The following ZNF385D variants were observed in gnomAD, a reference collection of about 807,000 sequenced individuals.
ZNF385D encodes zinc finger protein 385D, also known as zinc finger protein 659.
A neutral mutation model predicts 35.8 loss-of-function variants in ZNF385D; 15 were observed. That is an observed-to-expected ratio of 0.42 (90% confidence interval 0.28 to 0.64). The LOEUF (loss-of-function observed/expected upper bound fraction) is 0.64, where lower values mean the gene tolerates loss of function less well. Ranked by LOEUF, ZNF385D falls within the 30% of genes least tolerant of loss-of-function variation. The pLI is 0.23. For synonymous variants in ZNF385D, 212 were observed against 186.8 expected, an observed-to-expected ratio of 1.13 and a Z score of -1.10; for missense variants, 474 against 494.6, an observed-to-expected ratio of 0.96 and a Z score of 0.39.
At chr3:22,172,726 T>C (rs1011351018) in intron 2 of ZNF385D, among the ~76,000 whole-genome samples, 4 of 152,190 alleles carry the variant, frequency 2.6e-5, no homozygotes, top group Non-Finnish European at 4.4e-5. Context: ...AAGCAACATA[T>C]TATTGGATTA....
chr3:21,987,650 G>C (rs969299230), intron 3 of ZNF385D, among the ~76,000 whole-genome samples: 8 of 140,162 alleles, frequency 5.7e-5, no homozygotes, highest in African/African-American at 1.7e-4. Flanking sequence ...ATGTGTCTTG[G>C]AGTTGCTCTT....
chr3:21,468,444 G>C (rs566337367), intron 4 of ZNF385D, among the ~76,000 whole-genome samples: 32 of 146,502 alleles, frequency 2.2e-4, no homozygotes, highest in Non-Finnish European at 1.8e-4. Context: ...GACATTCAGA[G>C]TATAATTATA....
chr3:21,673,482 G>C (rs2066636075), intron 1 of ZNF385D, among the ~76,000 whole-genome samples: 1 of 152,150 alleles, frequency 6.6e-6, no homozygotes. Flanking sequence ...TAATGGGAGA[G>C]AAACTCTTGC....
intron 2 of ZNF385D, among the ~76,000 whole-genome samples, chr3:22,337,381 A>T (rs1442227660): frequency 6.6e-6 from 1 of 152,112 alleles, no homozygotes; most frequent in Non-Finnish European, 1.5e-5. Flanking sequence ...TAAAAATACA[A>T]AGTTTAGCTT....
chr3:21,756,126 C>T (rs1057495341), upstream of ZNF385D, among the ~76,000 whole-genome samples: 8 of 152,076 alleles, frequency 5.3e-5, no homozygotes, highest in African/African-American at 9.7e-5. Context: ...TTGACTAAAG[C>T]GAGCAAGGAC....
chr3:21,713,513 T>C (rs1193524290), intron 1 of ZNF385D, among the ~76,000 whole-genome samples: 1 of 152,088 alleles, frequency 6.6e-6, no homozygotes, highest in East Asian at 1.9e-4. Flanking sequence ...CCTCCTTCTC[T>C]CTCCTAGCTT....
chr3:22,105,588 G>A (rs928642006), intron 3 of ZNF385D, among the ~76,000 whole-genome samples: 1 of 152,136 alleles, frequency 6.6e-6, no homozygotes, highest in African/African-American at 2.4e-5. Context: ...AGAGCTGATG[G>A]TGTAGATCAC....
chr3:21,810,007 T>C (rs994579308), intron 3 of ZNF385D, among the ~76,000 whole-genome samples: 7 of 151,820 alleles, frequency 4.6e-5, no homozygotes, highest in African/African-American at 4.8e-5. Context: ...TTCCAGAAAA[T>C]AGGAGAGAAG....
chr3:21,710,818 T>C (rs1166410869), intron 1 of ZNF385D, among the ~76,000 whole-genome samples: 2 of 152,098 alleles, frequency 1.3e-5, no homozygotes, highest in African/African-American at 4.8e-5. Context: ...GGGGAATGCA[T>C]TACTACATGA....
At chr3:22,362,610 G>T (rs914741817) in intron 2 of ZNF385D, among the ~76,000 whole-genome samples, 4 of 151,930 alleles carry the variant, frequency 2.6e-5, no homozygotes, top group African/African-American at 9.7e-5. Flanking sequence ...ACTTCTTATC[G>T]TTCCGACTCT....
chr3:21,605,753 A>G (rs943181114), intron 2 of ZNF385D, among the ~76,000 whole-genome samples: 4 of 152,168 alleles, frequency 2.6e-5, no homozygotes, highest in Non-Finnish European at 5.9e-5. Context: ...ATTCATCACT[A>G]CCATCTGGTG....
At chr3:22,314,888 G>C (rs1703799347) in intron 2 of ZNF385D, among the ~76,000 whole-genome samples, 1 of 152,134 alleles carries the variant, frequency 6.6e-6, no homozygotes, top group South Asian at 2.1e-4. Flanking sequence ...AGATGGTAGA[G>C]GGATTGTGCA....
At chr3:21,517,410 A>T (rs9862207) in intron 3 of ZNF385D, among the ~76,000 whole-genome samples, 96,820 of 151,990 alleles carry the variant, frequency 0.64, 30,931 homozygotes, top group African/African-American at 0.71. Flanking sequence ...AGGCCTCCTT[A>T]CTGCCTAAGT....
intron 3 of ZNF385D, among the ~76,000 whole-genome samples, chr3:22,110,193 C>T (rs1283936055): frequency 1.3e-5 from 2 of 152,200 alleles, no homozygotes; most frequent in African/African-American, 4.8e-5. Flanking sequence ...GTTGGTGGGA[C>T]TGTAAACTAG....
chr3:21,530,666 T>A (rs1559377203), intron 3 of ZNF385D, among the ~76,000 whole-genome samples: 3 of 152,250 alleles, frequency 2.0e-5, no homozygotes, highest in African/African-American at 7.2e-5. Context: ...ACAAGTTTTT[T>A]TTCGTTGATG....
At chr3:21,729,078 C>T (rs1247631129) in intron 1 of ZNF385D, among the ~76,000 whole-genome samples, 1 of 152,080 alleles carries the variant, frequency 6.6e-6, no homozygotes, top group Non-Finnish European at 1.5e-5. Flanking sequence ...TGCCTGTATT[C>T]TGAGTACAGA....
intron 2 of ZNF385D, among the ~76,000 whole-genome samples, chr3:22,227,081 GA>G (rs1384541800): frequency 2.0e-5 from 3 of 152,098 alleles, no homozygotes; most frequent in Admixed American, 6.5e-5. Context: ...CACTAAATCA[GA>G]TAAGGTGTCC....
At chr3:22,090,885 C>T (rs771322029) in intron 3 of ZNF385D, among the ~76,000 whole-genome samples, 3 of 152,252 alleles carry the variant, frequency 2.0e-5, no homozygotes, top group East Asian at 3.9e-4. Flanking sequence ...GTTGGAGATG[C>T]CTTGTTAGGG....
chr3:21,970,910 G>A (rs2125340359), intron 3 of ZNF385D, among the ~76,000 whole-genome samples: 1 of 151,926 alleles, frequency 6.6e-6, no homozygotes, highest in South Asian at 2.1e-4. Context: ...GAGTGGCAGG[G>A]CATATTTAAA....
Sources: gnomAD v4.1 joint callset for allele counts (sites outside exome capture counted in the v4.1 genomes callset) on GRCh38, gnomAD v4.1.1 for gene constraint, MANE v1.5 for transcripts, NCBI Gene and HGNC (gene_info 2026-07-23, HGNC 2026-07-21) for gene names.